CCDC91: variants seen among roughly 807,000 people sequenced by gnomAD.
CCDC91 encodes the protein coiled-coil domain containing 91.
In CCDC91, 48 loss-of-function variants were observed where a neutral mutation model predicts 63.2. That is an observed-to-expected ratio of 0.76 (90% CI 0.60 to 0.97). The LOEUF is 0.97. Ranked by LOEUF, CCDC91 falls within the 50% of genes least tolerant of loss-of-function variation. The pLI, the probability that CCDC91 is intolerant of heterozygous loss-of-function variation, is 0.00. For synonymous variants in CCDC91, 167 were observed against 165.8 expected (o/e 1.01, Z -0.06); for missense variants, 500 against 494.6 (o/e 1.01, Z -0.10).
intron 1 of CCDC91, among the ~76,000 whole-genome samples, chr12:28,199,486 A>G (rs1942043081): frequency 6.6e-6 from 1 of 151,946 alleles, no homozygotes; most frequent in Admixed American, 6.6e-5. Context: ...CCACAACCAA[A>G]CATACATTTA....
chr12:28,520,984 A>G (rs999210488), intron 12 of CCDC91, among the ~76,000 whole-genome samples: 3 of 152,206 alleles, frequency 2.0e-5, no homozygotes, highest in Non-Finnish European at 2.9e-5. Flanking sequence ...GCCTTGTAGT[A>G]TAGTTTGAAG....
At chr12:28,354,695 GTTA>G (rs1391016918) in intron 6 of CCDC91, among the ~76,000 whole-genome samples, 1 of 152,120 alleles carries the variant, frequency 6.6e-6, no homozygotes, top group African/African-American at 2.4e-5. Context: ...GAGAAGCTGT[GTTA>G]TTAGCAAGTT....
chr12:28,548,971 T>G (rs1943166389), intron 12 of CCDC91, 92 bp from the exon 13 acceptor site: 1 of 816,746 alleles, frequency 1.2e-6, no homozygotes, highest in African/African-American at 1.7e-5. Flanking sequence ...CTGGAAAGTT[T>G]TTTCTAGTGG....
At chr12:28,292,561 A>G (rs1949316094) in intron 3 of CCDC91, among the ~76,000 whole-genome samples, 1 of 151,824 alleles carries the variant, frequency 6.6e-6, no homozygotes. Flanking sequence ...AGTCCCTGTT[A>G]TGGGTTGATG....
chr12:28,298,549 C>A (rs1937667173), intron 3 of CCDC91, among the ~76,000 whole-genome samples: 1 of 150,992 alleles, frequency 6.6e-6, no homozygotes, highest in Non-Finnish European at 1.5e-5. Flanking sequence ...TATTTTTAAG[C>A]AGGTATAGTT....
intron 12 of CCDC91, among the ~76,000 whole-genome samples, chr12:28,509,758 CAA>C (rs1256068736): frequency 6.6e-6 from 1 of 151,758 alleles, no homozygotes; most frequent in Admixed American, 6.6e-5. Flanking sequence ...ATTATGGGAA[CAA>C]GAGAGTGGGG....
intron 1 of CCDC91, among the ~76,000 whole-genome samples, chr12:28,223,377 G>A (rs1310308773): frequency 6.6e-6 from 1 of 152,060 alleles, no homozygotes; most frequent in African/African-American, 2.4e-5. Context: ...ATGTAAATGA[G>A]TTTCTTTGTC....
intron 3 of CCDC91, among the ~76,000 whole-genome samples, chr12:28,300,164 C>T (rs557620283): frequency 6.6e-6 from 1 of 151,464 alleles, no homozygotes; most frequent in African/African-American, 2.4e-5. Context: ...GAAGAACTCA[C>T]TCATGTTTTC....
chr12:28,281,492 C>T (rs1948607455), intron 3 of CCDC91, among the ~76,000 whole-genome samples: 1 of 152,140 alleles, frequency 6.6e-6, no homozygotes, highest in Non-Finnish European at 1.5e-5. Flanking sequence ...TAATCTCTTA[C>T]TTAAAGTAAA....
intron 3 of CCDC91, among the ~76,000 whole-genome samples, chr12:28,298,893 G>A (rs1937733099): frequency 6.6e-6 from 1 of 151,292 alleles, no homozygotes; most frequent in Non-Finnish European, 1.5e-5. Context: ...CTAAGATTCA[G>A]TCATGTTGTT....
intron 11 of CCDC91, among the ~76,000 whole-genome samples, chr12:28,461,863 G>A (rs1166418518): frequency 6.6e-6 from 1 of 151,946 alleles, no homozygotes; most frequent in African/African-American, 2.4e-5. Context: ...TGCTAGGATG[G>A]CCACCGTTGT....
chr12:28,469,247 A>G (rs562457317), intron 11 of CCDC91, among the ~76,000 whole-genome samples: 11 of 152,138 alleles, frequency 7.2e-5, no homozygotes, highest in Non-Finnish European at 1.2e-4. Context: ...AAGTTGCAGC[A>G]TACAAAATCA....
intron 12 of CCDC91, among the ~76,000 whole-genome samples, chr12:28,520,946 C>T (rs572898215): frequency 6.6e-6 from 1 of 152,226 alleles, no homozygotes; most frequent in African/African-American, 2.4e-5. Context: ...TGTTTTGGTA[C>T]CAGTACCATG....
chr12:28,526,623 G>A (rs1051795430), intron 12 of CCDC91, among the ~76,000 whole-genome samples: 12 of 152,058 alleles, frequency 7.9e-5, no homozygotes, highest in Non-Finnish European at 1.5e-4. Flanking sequence ...GGTGTTGTTT[G>A]AGCCTCCTGT....
At chr12:28,277,502 CA>C (rs1263659793) in intron 3 of CCDC91, among the ~76,000 whole-genome samples, 1 of 151,976 alleles carries the variant, frequency 6.6e-6, no homozygotes, top group Non-Finnish European at 1.5e-5. Flanking sequence ...CTCCAAAATC[CA>C]AAACTTACAT....
intron 11 of CCDC91, among the ~76,000 whole-genome samples, chr12:28,454,820 TA>T (rs1326529307): frequency 6.6e-6 from 1 of 152,014 alleles, no homozygotes; most frequent in Non-Finnish European, 1.5e-5. Flanking sequence ...TGGTGAGAGT[TA>T]GGTCTTGAGT....
chr12:28,503,143 G>A (rs1449334651), intron 12 of CCDC91, among the ~76,000 whole-genome samples: 1 of 152,070 alleles, frequency 6.6e-6, no homozygotes, highest in African/African-American at 2.4e-5. Flanking sequence ...AGAATGAACA[G>A]GCAACCTATA....
At chr12:28,298,131 T>C (rs537040987) in intron 3 of CCDC91, among the ~76,000 whole-genome samples, 4 of 151,892 alleles carry the variant, frequency 2.6e-5, no homozygotes, top group Admixed American at 2.0e-4. Flanking sequence ...TCATTTGTTT[T>C]CTCATTTTAT....
At chr12:28,409,425 A>T (rs1947176190) in intron 8 of CCDC91, among the ~76,000 whole-genome samples, 2 of 152,092 alleles carry the variant, frequency 1.3e-5, no homozygotes, top group South Asian at 4.1e-4. Flanking sequence ...TAGTCTAGAT[A>T]ATTGTAATCT....
Sources: allele counts gnomAD v4.1 joint callset (sites outside exome capture counted in the v4.1 genomes callset), GRCh38; gene constraint gnomAD v4.1.1; transcripts MANE v1.5; gene names NCBI Gene and HGNC (gene_info 2026-07-23, HGNC 2026-07-21).